The following PHLDB2 variants were observed in gnomAD, a reference collection of about 807,000 sequenced individuals.
PHLDB2 encodes the protein pleckstrin homology like domain family B member 2.
PHLDB2 carries 71 observed loss-of-function variants against 123.6 expected under a neutral mutation model. The observed-to-expected ratio is 0.57, with a 90% CI of 0.47 to 0.70. The LOEUF (loss-of-function observed/expected upper bound fraction) is 0.70. Ranked by LOEUF, PHLDB2 falls within the 30% of genes least tolerant of loss-of-function variation. PHLDB2 has a pLI of 0.00. For missense variants in PHLDB2, 1,446 were observed against 1,519.5 expected, an observed-to-expected ratio of 0.95 and a Z score of 0.80; for synonymous variants, 547 against 541.6, an observed-to-expected ratio of 1.01 and a Z score of -0.14.
At chr3:111,783,315 C>T (rs982209730) in intron 1 of PHLDB2, among the ~76,000 whole-genome samples, 2 of 152,046 alleles carry the variant, frequency 1.3e-5, no homozygotes, top group African/African-American at 2.4e-5. Context: ...TGGGTAGCCT[C>T]AACTGGCAAT....
chr3:111,974,342 GA>G, intron 17 of PHLDB2, 80 bp from the exon 18 acceptor site: 1 of 1,274,990 alleles, frequency 7.8e-7, no homozygotes, highest in East Asian at 2.6e-5. Flanking sequence ...AAATTTTGAA[GA>G]AGTCATCACA....
intron 12 of PHLDB2, among the ~76,000 whole-genome samples, chr3:111,959,664 T>C (rs757080742): frequency 1.3e-5 from 2 of 152,248 alleles, no homozygotes; most frequent in African/African-American, 4.8e-5. Flanking sequence ...TGAGTCATTT[T>C]AGTTTACTAT....
chr3:111,859,606 G>A (rs2064692481), intron 1 of PHLDB2, 30 bp downstream of exon 1: 1 of 985,310 alleles, frequency 1.0e-6, no homozygotes, highest in Non-Finnish European at 1.2e-6. Flanking sequence ...CGCCCGGGAG[G>A]AGGGGGTGGT....
intron 1 of PHLDB2, among the ~76,000 whole-genome samples, chr3:111,784,066 T>G (rs995375240): frequency 3.9e-5 from 6 of 152,284 alleles, no homozygotes; most frequent in African/African-American, 1.4e-4. Flanking sequence ...ATTTAGATGA[T>G]ATTTTCAGAA....
In PHLDB2 at chr3:111,962,050, T is replaced by G. The variant is rs898502869; in HGVS notation, c.2873-58T>G. On this transcript the variant is annotated intron_variant, in intron 12 of 17. Transcript: ENST00000431670. Reference sequence around the variant, plus strand: ...GTTGCTGGCTTGTGTCTGTAGATGTTTAAGATTCAAAGACTGAAAAATGAG... The same window carrying G: ...GTTGCTGGCTTGTGTCTGTAGATGTGTAAGATTCAAAGACTGAAAAATGAG... 4 of 1,504,584 alleles carry G rather than the reference T, an allele frequency of 2.7e-6. No individual in the cohort carries two copies. The African/African-American group carries it at 5.6e-5, about 21-fold the overall frequency. The allele number at this position is 1,504,584 out of a possible 1,614,324, so 93.2% of individuals were successfully genotyped here. A position where few individuals can be genotyped will look rare whatever the true frequency, so the allele number is the denominator to read the frequency against.
At chr3:111,776,660 A>T (rs553387254) in intron 1 of PHLDB2, among the ~76,000 whole-genome samples, 1 of 152,282 alleles carries the variant, frequency 6.6e-6, no homozygotes, top group South Asian at 2.1e-4. Flanking sequence ...AACTCCAAGA[A>T]TCTAGGCCTG....
At chr3:111,763,569 ATTG>A (rs575619242) in intron 1 of PHLDB2, among the ~76,000 whole-genome samples, 2 of 152,240 alleles carry the variant, frequency 1.3e-5, no homozygotes, top group South Asian at 2.1e-4. Context: ...TTTTATTATT[ATTG>A]TTACTACAAC....
chr3:111,801,818 G>A (rs1410209609), intron 1 of PHLDB2, among the ~76,000 whole-genome samples: 1 of 152,186 alleles, frequency 6.6e-6, no homozygotes. Flanking sequence ...ACATACATTA[G>A]TGGTTGCTGG....
intron 1 of PHLDB2, among the ~76,000 whole-genome samples, chr3:111,786,493 C>T (rs1392049921): frequency 6.6e-6 from 1 of 152,158 alleles, no homozygotes; most frequent in Non-Finnish European, 1.5e-5. Flanking sequence ...TCTAAGGCCT[C>T]TTCCAAAGTC....
At chr3:111,909,200 A>G (rs2067730198) in intron 2 of PHLDB2, among the ~76,000 whole-genome samples, 1 of 152,144 alleles carries the variant, frequency 6.6e-6, no homozygotes, top group Non-Finnish European at 1.5e-5. Context: ...GTTTTTCTGT[A>G]ATTTTTGTGT....
At chr3:111,948,691 AC>A (rs1185296952) in intron 9 of PHLDB2, among the ~76,000 whole-genome samples, 1 of 152,244 alleles carries the variant, frequency 6.6e-6, no homozygotes, top group Non-Finnish European at 1.5e-5. Context: ...GGTTATTTAT[AC>A]TACAGTTATC....
At chr3:111,972,795 T>C (rs1410132637) in intron 16 of PHLDB2, among the ~76,000 whole-genome samples, 1 of 152,182 alleles carries the variant, frequency 6.6e-6, no homozygotes, top group Non-Finnish European at 1.5e-5. Flanking sequence ...AGCAGATCTT[T>C]TGCAACCTTG....
At chr3:111,913,125 G>T (rs2067981843) in intron 2 of PHLDB2, among the ~76,000 whole-genome samples, 194 bp from the exon 3 acceptor site, 1 of 152,200 alleles carries the variant, frequency 6.6e-6, no homozygotes, top group African/African-American at 2.4e-5. Flanking sequence ...GGAAAGTTGG[G>T]CATTGTTAAA....
intron 5 of PHLDB2, among the ~76,000 whole-genome samples, chr3:111,924,816 C>A (rs2068726160): frequency 6.6e-6 from 1 of 152,144 alleles, no homozygotes; most frequent in Admixed American, 6.5e-5. Context: ...AGAATGCCTC[C>A]CCATTCAAAT....
At chr3:111,909,589 C>T (rs1405235195) in intron 2 of PHLDB2, among the ~76,000 whole-genome samples, 2 of 151,990 alleles carry the variant, frequency 1.3e-5, no homozygotes, top group African/African-American at 2.4e-5. Context: ...CATTGACAGA[C>T]TTTGTCTCAG....
At chr3:111,809,999 T>A (rs1357845571) in intron 1 of PHLDB2, among the ~76,000 whole-genome samples, 1 of 152,160 alleles carries the variant, frequency 6.6e-6, no homozygotes, top group African/African-American at 2.4e-5. Context: ...GGTAATTTTT[T>A]AAAACTTTTT....
chr3:111,899,925 A>C (rs1322414630), intron 2 of PHLDB2, among the ~76,000 whole-genome samples: 1 of 152,178 alleles, frequency 6.6e-6, no homozygotes, highest in Non-Finnish European at 1.5e-5. Flanking sequence ...TGTTTCATGT[A>C]ACCACCTTCA....
At chr3:111,753,213 G>A (rs1362974143) in intron 1 of PHLDB2, among the ~76,000 whole-genome samples, 3 of 146,848 alleles carry the variant, frequency 2.0e-5, no homozygotes, top group Non-Finnish European at 3.0e-5. Flanking sequence ...AGATCCCTGA[G>A]GAATCGCCAC....
At chr3:111,945,487 G>A in intron 9 of PHLDB2, 130 bp downstream of exon 9, 1 of 723,992 alleles carries the variant, frequency 1.4e-6, no homozygotes, top group Non-Finnish European at 2.4e-6. Flanking sequence ...ATGCTTGGAT[G>A]GTTTCCCTGC....
Sources: allele counts gnomAD v4.1 joint callset (sites outside exome capture counted in the v4.1 genomes callset), GRCh38; gene constraint gnomAD v4.1.1; transcripts MANE v1.5; gene names NCBI Gene and HGNC (gene_info 2026-07-23, HGNC 2026-07-21).